Variants in TAFA2 observed in about 807,000 individuals in gnomAD.
TAFA2 encodes TAFA chemokine like family member 2.
In TAFA2, 7 loss-of-function variants were observed where a neutral mutation model predicts 18.8. The observed-to-expected ratio is 0.37, with a 90% CI of 0.21 to 0.70. TAFA2 has a LOEUF of 0.70. Ranked by LOEUF, TAFA2 falls within the 30% of genes least tolerant of loss-of-function variation. TAFA2 has a pLI of 0.53. For missense variants in TAFA2, 122 were observed against 158.1 expected (o/e 0.77, Z 1.23); for synonymous variants, 60 against 54.2 (o/e 1.11, Z -0.47).
chr12:62,006,659 A>G (rs1397615113), intron 1 of TAFA2, among the ~76,000 whole-genome samples: 1 of 152,152 alleles, frequency 6.6e-6, no homozygotes, highest in South Asian at 2.1e-4. Context: ...GTTTTTCCAT[A>G]TTTTACCGAG....
intron 1 of TAFA2, among the ~76,000 whole-genome samples, chr12:62,031,459 T>A (rs1017129275): frequency 9.2e-5 from 14 of 152,078 alleles, no homozygotes; most frequent in Non-Finnish European, 1.9e-4. Flanking sequence ...CGTGATCATG[T>A]GAGTTAATAC....
chr12:61,962,158 GA>G (rs1175363006), intron 1 of TAFA2, among the ~76,000 whole-genome samples: 1 of 151,986 alleles, frequency 6.6e-6, no homozygotes, highest in Non-Finnish European at 1.5e-5. Flanking sequence ...AGTTAATGTA[GA>G]ACTTCCAGGA....
intron 1 of TAFA2, among the ~76,000 whole-genome samples, chr12:61,874,974 A>G (rs925512050): frequency 2.0e-5 from 3 of 152,092 alleles, no homozygotes; most frequent in Non-Finnish European, 2.9e-5. Context: ...GATGTGAAAA[A>G]TCAGAGGTGT....
At chr12:62,023,001 A>C (rs192888236) in intron 1 of TAFA2, among the ~76,000 whole-genome samples, 1 of 152,330 alleles carries the variant, frequency 6.6e-6, no homozygotes, top group African/African-American at 2.4e-5. Context: ...AATTCTTATT[A>C]AAATATTTAC....
intron 2 of TAFA2, among the ~76,000 whole-genome samples, chr12:61,784,956 G>A (rs185409021): frequency 1.5e-4 from 23 of 151,472 alleles, no homozygotes; most frequent in Admixed American, 9.9e-4. Context: ...CTCTTTTGTA[G>A]GTTGGGAATA....
intron 4 of TAFA2, among the ~76,000 whole-genome samples, chr12:61,736,728 A>G (rs1225014255): frequency 6.6e-6 from 1 of 152,014 alleles, no homozygotes; most frequent in Non-Finnish European, 1.5e-5. Flanking sequence ...TCACCCACAT[A>G]GAGTAATTAT....
intron 4 of TAFA2, among the ~76,000 whole-genome samples, chr12:61,744,857 C>A (rs1868627010): frequency 6.6e-6 from 1 of 152,062 alleles, no homozygotes; most frequent in Admixed American, 6.6e-5. Context: ...AAAAATGTTA[C>A]TTTTACTAAT....
chr12:61,958,539 T>C (rs1292884807), intron 1 of TAFA2, among the ~76,000 whole-genome samples: 1 of 152,014 alleles, frequency 6.6e-6, no homozygotes, highest in Non-Finnish European at 1.5e-5. Context: ...TTATATCTCA[T>C]TTTTACTTTT....
At chr12:62,129,932 T>C (rs1385916594) in intron 1 of TAFA2, among the ~76,000 whole-genome samples, 3 of 152,020 alleles carry the variant, frequency 2.0e-5, no homozygotes, top group Non-Finnish European at 4.4e-5. Flanking sequence ...ACATACCATT[T>C]CTCAACCATT....
At chr12:61,907,026 T>A (rs1392482237) in intron 1 of TAFA2, among the ~76,000 whole-genome samples, 1 of 152,128 alleles carries the variant, frequency 6.6e-6, no homozygotes. Context: ...GAATTGGCAC[T>A]TAGGTTTAAA....
intron 1 of TAFA2, among the ~76,000 whole-genome samples, chr12:62,191,058 C>G (rs1021881306): frequency 6.6e-6 from 1 of 152,184 alleles, no homozygotes; most frequent in African/African-American, 2.4e-5. Context: ...CTACCCTGAC[C>G]GCCCGCGAGG....
At chr12:62,254,256 A>G (rs1297559473) in intron 1 of TAFA2, among the ~76,000 whole-genome samples, 1 of 152,182 alleles carries the variant, frequency 6.6e-6, no homozygotes, top group Non-Finnish European at 1.5e-5. Context: ...AAGCTCTAAT[A>G]TGAGTTTCAC....
At chr12:62,209,593 A>G (rs1329714076) in intron 1 of TAFA2, among the ~76,000 whole-genome samples, 1 of 152,248 alleles carries the variant, frequency 6.6e-6, no homozygotes, top group Non-Finnish European at 1.5e-5. Flanking sequence ...AGCTTAGCTC[A>G]AAGTCCTATT....
chr12:62,045,454 G>A (rs1188915791), intron 1 of TAFA2, among the ~76,000 whole-genome samples: 3 of 152,158 alleles, frequency 2.0e-5, no homozygotes, highest in Non-Finnish European at 4.4e-5. Context: ...GATGCACGTA[G>A]TGACCTCCCT....
intron 4 of TAFA2, among the ~76,000 whole-genome samples, chr12:61,750,230 A>C (rs1313551163): frequency 6.6e-6 from 1 of 152,120 alleles, no homozygotes; most frequent in Non-Finnish European, 1.5e-5. Flanking sequence ...TTGAAATCAA[A>C]AGGCTTGAAT....
At chr12:62,157,292 A>G (rs866702689) in intron 1 of TAFA2, among the ~76,000 whole-genome samples, 3 of 152,162 alleles carry the variant, frequency 2.0e-5, no homozygotes, top group South Asian at 4.1e-4. Flanking sequence ...AAAAAAGTCA[A>G]TGTAGGAAAG....
At chr12:62,209,324 T>C (rs527432957) in intron 1 of TAFA2, among the ~76,000 whole-genome samples, 2 of 152,318 alleles carry the variant, frequency 1.3e-5, no homozygotes, top group South Asian at 4.1e-4. Flanking sequence ...TCTTCCCCCT[T>C]CACTCAAAAC....
intron 1 of TAFA2, among the ~76,000 whole-genome samples, chr12:61,958,437 T>A (rs991616328): frequency 3.3e-5 from 5 of 152,206 alleles, no homozygotes; most frequent in Admixed American, 1.3e-4. Flanking sequence ...TCCATTTATA[T>A]CAACAATAGA....
chr12:62,005,843 G>A (rs11174276), intron 1 of TAFA2, among the ~76,000 whole-genome samples: 34,665 of 151,958 alleles, frequency 0.23, 4,260 homozygotes, highest in African/African-American at 0.29. Flanking sequence ...CAAGTTCGAT[G>A]TCCTTCTGAT....
Sources: gnomAD v4.1 joint callset for allele counts (sites outside exome capture counted in the v4.1 genomes callset) on GRCh38, gnomAD v4.1.1 for gene constraint, MANE v1.5 for transcripts, NCBI Gene and HGNC (gene_info 2026-07-23, HGNC 2026-07-21) for gene names.